EYA1: variants seen among roughly 807,000 people sequenced by gnomAD.
EYA1 encodes the protein EYA transcriptional coactivator and phosphatase 1, also known as protein phosphatase EYA1.
In EYA1, 16 loss-of-function variants were observed where a neutral mutation model predicts 82.0. The ratio of observed to expected loss-of-function variants is 0.20; its 90% CI spans 0.13 to 0.30. EYA1 has a LOEUF of 0.30. EYA1 is among the 10% of genes least tolerant of loss of function. The pLI is 1.00. For synonymous variants in EYA1, 261 were observed against 264.4 expected, an observed-to-expected ratio of 0.99 and a Z score of 0.12; for missense variants, 633 against 730.7, an observed-to-expected ratio of 0.87 and a Z score of 1.54.
At chr8:71,395,275 A>C (rs200560383) in intron 2 of EYA1, among the ~76,000 whole-genome samples, 711 of 134,500 alleles carry the variant, frequency 5.3e-3, no homozygotes, top group Middle Eastern at 0.019. Context: ...TAATTGAATA[A>C]CCTTTATTTC....
chr8:71,292,710 T>C (rs182326240), intron 9 of EYA1, among the ~76,000 whole-genome samples: 1 of 151,822 alleles, frequency 6.6e-6, no homozygotes, highest in Non-Finnish European at 1.5e-5. Flanking sequence ...CCAGTGGTAA[T>C]AAAAACAAAA....
At chr8:71,277,957 C>T (rs1391776183) in intron 9 of EYA1, among the ~76,000 whole-genome samples, 3 of 152,124 alleles carry the variant, frequency 2.0e-5, no homozygotes, top group Non-Finnish European at 4.4e-5. Flanking sequence ...ATTTTTACAT[C>T]TGTAAATACC....
chr8:71,311,469 C>T (rs1821333488), intron 7 of EYA1, among the ~76,000 whole-genome samples: 1 of 152,232 alleles, frequency 6.6e-6, no homozygotes, highest in South Asian at 2.1e-4. Flanking sequence ...GTTTGCAGAA[C>T]TGACCCAAGG....
intron 1 of EYA1, among the ~76,000 whole-genome samples, chr8:71,543,464 A>T (rs1815309947): frequency 6.6e-6 from 1 of 152,228 alleles, no homozygotes; most frequent in African/African-American, 2.4e-5. Context: ...TTACATTCCT[A>T]AAATTATCAA....
intron 16 of EYA1, 86 bp downstream of exon 16, chr8:71,215,301 G>A: frequency 1.5e-6 from 2 of 1,349,822 alleles, no homozygotes; most frequent in Non-Finnish European, 2.1e-6. Context: ...TAGCATTCTG[G>A]AAAAAAAGTT....
intron 12 of EYA1, among the ~76,000 whole-genome samples, chr8:71,233,371 T>C (rs913444534): frequency 2.8e-4 from 43 of 152,066 alleles, no homozygotes; most frequent in African/African-American, 9.4e-4. Flanking sequence ...GAGACCATCC[T>C]GGCTAACACA....
intron 2 of EYA1, among the ~76,000 whole-genome samples, chr8:71,469,268 T>G (rs756864520): frequency 6.6e-6 from 1 of 152,106 alleles, no homozygotes; most frequent in Non-Finnish European, 1.5e-5. Context: ...TGTGTTTTAT[T>G]CAGTTGGAGA....
chr8:71,282,845 A>G (rs1817958451), intron 9 of EYA1, among the ~76,000 whole-genome samples: 1 of 151,966 alleles, frequency 6.6e-6, no homozygotes, highest in South Asian at 2.1e-4. Context: ...TACTTATCCA[A>G]TGACTGAGTC....
At chr8:71,527,783 T>C (rs1362707384) in intron 2 of EYA1, among the ~76,000 whole-genome samples, 1 of 152,202 alleles carries the variant, frequency 6.6e-6, no homozygotes, top group Admixed American at 6.5e-5. Context: ...CATATGTCTA[T>C]GGCAACTTTC....
chr8:71,217,999 C>A (rs1168544644), intron 12 of EYA1, among the ~76,000 whole-genome samples: 4 of 152,156 alleles, frequency 2.6e-5, no homozygotes, highest in African/African-American at 9.7e-5. Context: ...AATTTGGAGG[C>A]AGACAAGGAC....
intron 2 of EYA1, among the ~76,000 whole-genome samples, chr8:71,416,994 TGCC>T (rs1382892475): frequency 6.6e-6 from 1 of 152,186 alleles, no homozygotes; most frequent in Non-Finnish European, 1.5e-5. Context: ...TCTAATCAGC[TGCC>T]ACCACTTCCA....
chr8:71,384,213 T>C (rs571891167), intron 2 of EYA1, among the ~76,000 whole-genome samples: 75 of 152,348 alleles, frequency 4.9e-4, no homozygotes, highest in Non-Finnish European at 1.6e-4. Context: ...ATTATCAGCC[T>C]TCATATATTT....
chr8:71,368,925 A>G (rs1827918522), intron 2 of EYA1, among the ~76,000 whole-genome samples: 1 of 150,796 alleles, frequency 6.6e-6, no homozygotes, highest in African/African-American at 2.4e-5. Context: ...GCGGTGGCTC[A>G]CCCCTGTAAT....
chr8:71,225,398 C>A, intron 12 of EYA1: 1 of 429,762 alleles, frequency 2.3e-6, no homozygotes, highest in Non-Finnish European at 4.7e-6. Context: ...ACCTGGTGAC[C>A]TCCTATTTCC....
intron 4 of EYA1, among the ~76,000 whole-genome samples, chr8:71,327,016 T>C (rs1823235022): frequency 6.6e-6 from 1 of 152,218 alleles, no homozygotes; most frequent in Non-Finnish European, 1.5e-5. Flanking sequence ...AGATGCCCTG[T>C]CCTCTAAAAG....
intron 2 of EYA1, among the ~76,000 whole-genome samples, chr8:71,442,997 C>G (rs1022184525): frequency 2.0e-5 from 3 of 152,178 alleles, no homozygotes; most frequent in Non-Finnish European, 4.4e-5. Context: ...ATACACCATA[C>G]AGCAAACATT....
intron 2 of EYA1, among the ~76,000 whole-genome samples, chr8:71,479,251 C>G (rs1443464884): frequency 1.3e-5 from 2 of 152,086 alleles, no homozygotes; most frequent in African/African-American, 2.4e-5. Flanking sequence ...AGAAATTTTC[C>G]CTGGATTTGC....
At chr8:71,239,804 C>T (rs1812262962) in intron 12 of EYA1, among the ~76,000 whole-genome samples, 1 of 152,166 alleles carries the variant, frequency 6.6e-6, no homozygotes, top group Admixed American at 6.5e-5. Context: ...CATAGAGCAT[C>T]AGAGTTTCTT....
intron 3 of EYA1, among the ~76,000 whole-genome samples, chr8:71,354,423 G>A (rs1353892743): frequency 6.6e-6 from 1 of 152,120 alleles, no homozygotes. Context: ...ATAATTCCAA[G>A]TTTTCACTGG....
Sources: allele counts gnomAD v4.1 joint callset (sites outside exome capture counted in the v4.1 genomes callset), GRCh38; gene constraint gnomAD v4.1.1; transcripts MANE v1.5; gene names NCBI Gene and HGNC (gene_info 2026-07-23, HGNC 2026-07-21).